The following KIF21A variants were observed in gnomAD, a reference collection of about 807,000 sequenced individuals.
KIF21A encodes the protein kinesin-like protein KIF21A.
KIF21A carries 114 observed loss-of-function variants against 202.9 expected under a neutral mutation model. The observed-to-expected ratio is 0.56, with a 90% CI of 0.48 to 0.66. The LOEUF (loss-of-function observed/expected upper bound fraction) is 0.66, where lower values mean the gene tolerates loss of function less well. Ranked by LOEUF, KIF21A falls within the 30% of genes least tolerant of loss-of-function variation. The pLI, the probability that KIF21A is intolerant of heterozygous loss-of-function variation, is 0.00. For synonymous variants in KIF21A, 667 were observed against 670.8 expected (o/e 0.99, Z 0.09); for missense variants, 1,677 against 1,994.9 (o/e 0.84, Z 3.04).
intron 1 of KIF21A, among the ~76,000 whole-genome samples, chr12:39,382,496 T>G (rs944503542): frequency 2.0e-5 from 3 of 152,306 alleles, no homozygotes; most frequent in Admixed American, 6.5e-5. Context: ...AGGGCAATGT[T>G]GCATATGTGT....
chr12:39,437,597 TAAGA>T, intron 1 of KIF21A, among the ~76,000 whole-genome samples: 1 of 152,190 alleles, frequency 6.6e-6, no homozygotes, highest in Admixed American at 6.5e-5. Flanking sequence ...TTGAGAAAAA[TAAGA>T]GAGAAACAAA....
rs754452058 is a variant in KIF21A at position 39,356,884 on chromosome 12, C to A, written c.1417G>T (p.Glu473Ter). ...CTATGAATCATATTACTAATCTCCT[C>A]ATTTCCTTCACCTGAAAGACAAAAT... The part of the protein sequence containing the change: ...HVLARAGEGN[E>*]EISNMIHSYI... Residue 473 changes from glutamate to a stop codon, truncating the protein, a stop_gained, in exon 10 of 38, where the codon GAG (glutamate) becomes TAG (stop). Transcript: ENST00000361418. LOFTEE classifies it high-confidence loss of function. 7.0e-6 allele frequency: 9 copies of A among 1,292,808 alleles called. No homozygotes were observed. The highest frequency in any genetic ancestry group is 9.0e-6 in the Non-Finnish European group (8 of 891,528). 80.1% of individuals were successfully genotyped at this position (1,292,808 alleles called of 1,614,324 possible).
chr12:39,412,727 G>GA (rs958645158), intron 1 of KIF21A, among the ~76,000 whole-genome samples: 5 of 151,602 alleles, frequency 3.3e-5, no homozygotes, highest in African/African-American at 1.2e-4. Context: ...CAAAAAAACA[G>GA]AAAAAAAATT....
chr12:39,318,658 T>C (rs115693506), intron 28 of KIF21A, among the ~76,000 whole-genome samples: 5 of 152,256 alleles, frequency 3.3e-5, no homozygotes, highest in African/African-American at 1.2e-4. Context: ...GCAAACTACA[T>C]CTTTAAGTAC....
At chr12:39,412,825 C>T (rs1953222224) in intron 1 of KIF21A, among the ~76,000 whole-genome samples, 2 of 152,294 alleles carry the variant, frequency 1.3e-5, no homozygotes, top group South Asian at 4.1e-4. Context: ...CTGAGTCCCA[C>T]GTCAAGCCCT....
chr12:39,350,600 C>T (rs1419516637), intron 11 of KIF21A, among the ~76,000 whole-genome samples: 1 of 151,946 alleles, frequency 6.6e-6, no homozygotes, highest in Non-Finnish European at 1.5e-5. Flanking sequence ...ATTTCAGTTT[C>T]AATTGCCCTC....
At chr12:39,331,930 C>A in intron 21 of KIF21A, 139 bp from the exon 22 acceptor site, 1 of 746,570 alleles carries the variant, frequency 1.3e-6, no homozygotes, top group Non-Finnish European at 2.4e-6. Flanking sequence ...ATGATCATTA[C>A]CCCAAGAAAC....
In KIF21A at chr12:39,304,778, C is replaced by A. The variant is rs201827269; in HGVS notation, c.4560+43G>T. 4.4e-4 allele frequency: 446 copies of A among 1,016,148 alleles called. 7 individuals are homozygous for A. In the South Asian group the frequency reaches 5.6e-3, roughly 13 times the overall value. 62.9% of individuals were successfully genotyped at this position (1,016,148 alleles called of 1,614,324 possible). On this transcript the variant is annotated intron_variant, in intron 35 of 37. Coordinates refer to ENST00000361418, the MANE Select transcript of KIF21A (RefSeq NM_001173464.2). ...ATGAATCTGAATACTTCAAAATTAT[C>A]ATTTAATAGACAAATATAATTCAGA...
intron 30 of KIF21A, among the ~76,000 whole-genome samples, chr12:39,315,564 A>G (rs1280245859): frequency 6.6e-6 from 1 of 151,928 alleles, no homozygotes; most frequent in Non-Finnish European, 1.5e-5. Context: ...CTAAACCAAC[A>G]AGAAAAAAAT....
intron 37 of KIF21A, among the ~76,000 whole-genome samples, chr12:39,296,949 G>T (rs1248885961): frequency 6.6e-6 from 1 of 152,160 alleles, no homozygotes; most frequent in African/African-American, 2.4e-5. Context: ...CTACATATGA[G>T]CAAAGGACTT....
chr12:39,301,801 G>A, intron 36 of KIF21A, 122 bp from the exon 37 acceptor site: 2 of 860,260 alleles, frequency 2.3e-6, no homozygotes, highest in Admixed American at 2.0e-5. Context: ...GCTGGAGAAA[G>A]TTTATTTTCT....
At chr12:39,354,161 A>G (rs1948602971) in intron 10 of KIF21A, among the ~76,000 whole-genome samples, 1 of 152,214 alleles carries the variant, frequency 6.6e-6, no homozygotes, top group Admixed American at 6.5e-5. Context: ...TTTAAAAAAT[A>G]GTAAGTATTC....
In KIF21A at chr12:39,319,995, T is replaced by C. The variant is rs1945028939; in HGVS notation, c.3690A>G (p.Leu1230=). ...AAGGCTCTGGAATTTTTTTTTCTGA[T>C]AGAGATGACTGCCTGGAACTAAAGT... ...KIGSISRQSS[L]SEKKIPEPSP... is the part of the protein sequence containing the mutation. The change falls in exon 28 of 38, where the codon CTA becomes CTG. Residue 1230 remains leucine (L), a synonymous_variant. Transcript: ENST00000361418. The C allele has an allele frequency of 1.3e-6, 2 of 1,597,686 alleles. No individual in the cohort carries two copies. Among genetic ancestry groups the C allele is most frequent in the Non-Finnish European group, 8.6e-7 (1 of 1,167,006 alleles).
chr12:39,421,805 ATATAAT>A (rs1954304549), intron 1 of KIF21A, among the ~76,000 whole-genome samples: 1 of 147,288 alleles, frequency 6.8e-6, no homozygotes, highest in Non-Finnish European at 1.5e-5. Context: ...TTTATATATT[ATATAAT>A]TATATGTATA....
intron 11 of KIF21A, among the ~76,000 whole-genome samples, chr12:39,349,367 C>T (rs994238177): frequency 6.6e-6 from 1 of 151,990 alleles, no homozygotes; most frequent in Admixed American, 6.6e-5. Context: ...TTTAATTGAA[C>T]CTCTTGTATG....
At chr12:39,348,602 C>T (rs895158062) in intron 11 of KIF21A, among the ~76,000 whole-genome samples, 1 of 151,984 alleles carries the variant, frequency 6.6e-6, no homozygotes, top group African/African-American at 2.4e-5. Context: ...CCTATAGCCA[C>T]TCCAACCAAA....
intron 15 of KIF21A, 109 bp downstream of exon 15, chr12:39,340,797 C>T: frequency 1.3e-6 from 1 of 775,180 alleles, no homozygotes; most frequent in Non-Finnish European, 2.1e-6. Flanking sequence ...AAATAAATAA[C>T]AAAAAAGGGT....
At chr12:39,337,318 C>A in intron 16 of KIF21A, 115 bp from the exon 17 acceptor site, 1 of 727,522 alleles carries the variant, frequency 1.4e-6, no homozygotes, top group Admixed American at 2.0e-5. Flanking sequence ...TGGAAACATG[C>A]AGTTTTGCTG....
At position 39,333,284 on chromosome 12, in the gene KIF21A, T is replaced by C. The variant is rs1201882803; in HGVS notation, c.2419-4A>G. ...CTTCCAGAAGTCTAAGTTGATGCTA[T>C]AAAATAATATTAAATAAGTGGAAAT... On this transcript the variant is annotated splice_polypyrimidine_tract_variant and splice_region_variant and intron_variant, in intron 17 of 37. Transcript: ENST00000361418. 4.5e-6 allele frequency: 7 copies of C among 1,568,464 alleles called. No homozygotes were observed. The East Asian group carries it at 9.0e-5, about 20-fold the overall frequency.
Sources: allele counts gnomAD v4.1 joint callset (sites outside exome capture counted in the v4.1 genomes callset), GRCh38; gene constraint gnomAD v4.1.1; transcripts MANE v1.5; gene names NCBI Gene and HGNC (gene_info 2026-07-23, HGNC 2026-07-21).